Variants in SYT17 observed in about 807,000 individuals in gnomAD.
SYT17 encodes synaptotagmin 17, also known as synaptotagmin-17.
SYT17 carries 22 observed loss-of-function variants against 46.7 expected under a neutral mutation model. The observed-to-expected ratio is 0.47, with a 90% CI of 0.34 to 0.67. The LOEUF (loss-of-function observed/expected upper bound fraction) is 0.67, where lower values mean the gene tolerates loss of function less well. Among genes scored for constraint, SYT17 ranks in the 30% least tolerant of loss-of-function variants. The pLI is 0.01. For synonymous variants in SYT17, 251 were observed against 248.4 expected (o/e 1.01, Z -0.10); for missense variants, 519 against 612.8 (o/e 0.85, Z 1.62).
chr16:19,255,565 T>C (rs534207882), intron 7 of SYT17, among the ~76,000 whole-genome samples: 3 of 152,104 alleles, frequency 2.0e-5, no homozygotes, highest in East Asian at 3.9e-4. Context: ...GAGAGTAAGA[T>C]TGCTTGAAGC....
At chr16:19,204,181 CT>C (rs1032281271) in intron 5 of SYT17, among the ~76,000 whole-genome samples, 2 of 152,162 alleles carry the variant, frequency 1.3e-5, no homozygotes, top group African/African-American at 4.8e-5. Context: ...GGCAGCACCC[CT>C]GGCCCCACCC....
At chr16:19,206,756 CAT>C (rs1204378415) in intron 5 of SYT17, among the ~76,000 whole-genome samples, 4 of 152,212 alleles carry the variant, frequency 2.6e-5, no homozygotes, top group African/African-American at 9.6e-5. Flanking sequence ...TGTCTTAGTC[CAT>C]GTTTCTTCTC....
At chr16:19,259,029 A>G (rs372759985) in intron 7 of SYT17, among the ~76,000 whole-genome samples, 17 of 152,288 alleles carry the variant, frequency 1.1e-4, no homozygotes, top group Middle Eastern at 3.4e-3. Context: ...AGATATGTTG[A>G]TAACTCTACA....
Position 19,267,251 on chromosome 16 carries a change from C to A in SYT17, c.*175C>A. On this transcript the variant is annotated 3_prime_UTR_variant, in exon 8 of 8. Transcript: ENST00000355377. ...CCTCTCAGAACTGAGAGGAAGCTGA[C>A]TATTGATCACAAAATGGCCGCCCTC... 1.7e-6 allele frequency: 1 copy of A among 578,682 alleles called. No homozygotes were observed. The highest frequency in any genetic ancestry group is 2.8e-6 in the Non-Finnish European group (1 of 356,720). The allele number at this position is 578,682 out of a possible 1,614,324, so 35.8% of individuals were successfully genotyped here.
chr16:19,210,848 T>C (rs1047492724), intron 5 of SYT17, among the ~76,000 whole-genome samples: 19 of 152,212 alleles, frequency 1.2e-4, no homozygotes, highest in African/African-American at 4.6e-4. Flanking sequence ...TGAAACCCTT[T>C]GCTAGGTGAG....
At chr16:19,243,454 T>C (rs926032306) in intron 7 of SYT17, among the ~76,000 whole-genome samples, 4 of 152,170 alleles carry the variant, frequency 2.6e-5, no homozygotes, top group African/African-American at 9.7e-5. Flanking sequence ...TCCATCCTTG[T>C]GCAAGGTCAC....
At chr16:19,250,708 C>T (rs1001258953) in intron 7 of SYT17, among the ~76,000 whole-genome samples, 2 of 137,278 alleles carry the variant, frequency 1.5e-5, no homozygotes, top group Non-Finnish European at 3.2e-5. Context: ...AACCACCATG[C>T]GTGGCCCCAT....
In SYT17 at chr16:19,208,470, G is replaced by C. The variant is rs1237663947; in HGVS notation, c.952-14575G>C. Among the ~76,000 whole-genome samples the C allele has an allele frequency of 2.6e-5, 4 of 152,272 alleles. No individual in the cohort carries two copies. The South Asian group carries it at 8.3e-4, about 32-fold the overall frequency. On this transcript the variant is annotated intron_variant, in intron 5 of 7. Coordinates refer to ENST00000355377, the MANE Select transcript of SYT17 (RefSeq NM_016524.4). ...GCTTACATGGCAGCAGGAGAGTGAG[G>C]GGGGAAGTGCCACACATTTTTAAAC...
At chr16:19,218,709 C>T (rs1966186925) in intron 5 of SYT17, among the ~76,000 whole-genome samples, 1 of 152,190 alleles carries the variant, frequency 6.6e-6, no homozygotes, top group African/African-American at 2.4e-5. Context: ...CACCTCCTTC[C>T]AGTTCTGTGA....
chr16:19,197,715 C>T (rs567446449), intron 5 of SYT17, among the ~76,000 whole-genome samples: 2 of 152,254 alleles, frequency 1.3e-5, no homozygotes, highest in Admixed American at 1.3e-4. Context: ...CATGAACCAC[C>T]GTGACCTGCC....
intron 7 of SYT17, among the ~76,000 whole-genome samples, chr16:19,259,528 C>T (rs1968814374): frequency 1.3e-5 from 2 of 152,202 alleles, no homozygotes; most frequent in Non-Finnish European, 2.9e-5. Context: ...CTGGTACTCA[C>T]AATCCACTAT....
At chr16:19,243,819 C>CAAAAAA (rs760219447) in intron 7 of SYT17, among the ~76,000 whole-genome samples, 1 of 56,920 alleles carries the variant, frequency 1.8e-5, no homozygotes, top group African/African-American at 6.8e-5. Flanking sequence ...AAAACTCCAT[C>CAAAAAA]AAAAAAAAAA....
chr16:19,249,386 G>T (rs1470890764), intron 7 of SYT17, among the ~76,000 whole-genome samples: 1 of 152,220 alleles, frequency 6.6e-6, no homozygotes, highest in African/African-American at 2.4e-5. Flanking sequence ...CCAGGGAGGG[G>T]ATGGAGTGGA....
intron 7 of SYT17, among the ~76,000 whole-genome samples, chr16:19,253,217 G>C (rs1968314611): frequency 6.6e-6 from 1 of 152,166 alleles, no homozygotes; most frequent in Non-Finnish European, 1.5e-5. Flanking sequence ...AGAGGCCATA[G>C]GTGGCCCTCA....
chr16:19,202,047 T>G (rs1465734514), intron 5 of SYT17, among the ~76,000 whole-genome samples: 1 of 152,186 alleles, frequency 6.6e-6, no homozygotes, highest in African/African-American at 2.4e-5. Flanking sequence ...TGTGGGGTTT[T>G]TTTCCTCATA....
At chr16:19,212,266 A>T (rs1965932956) in intron 5 of SYT17, among the ~76,000 whole-genome samples, 1 of 152,138 alleles carries the variant, frequency 6.6e-6, no homozygotes, top group Non-Finnish European at 1.5e-5. Context: ...GAGGTTGACA[A>T]ACCCTGTTGT....
intron 7 of SYT17, among the ~76,000 whole-genome samples, chr16:19,244,918 A>G (rs1967423444): frequency 2.0e-5 from 3 of 152,228 alleles, no homozygotes. Context: ...TGGGAAATGT[A>G]GTCCAGCTAC....
At chr16:19,215,664 G>A (rs1444871374) in intron 5 of SYT17, among the ~76,000 whole-genome samples, 1 of 152,078 alleles carries the variant, frequency 6.6e-6, no homozygotes, top group African/African-American at 2.4e-5. Flanking sequence ...CAATCCTCCA[G>A]CCTTGGCCTC....
Position 19,252,380 on chromosome 16 carries a change from CAT to C in SYT17, c.1229-14488_1229-14487del, listed in dbSNP as rs1255011604. Among the ~76,000 whole-genome samples the C allele has an allele frequency of 6.0e-4, 10 of 16,550 alleles. 4 individuals are homozygous for C. The highest frequency in any genetic ancestry group is 1.3e-3 in the African/African-American group (2 of 1,510). 10.9% of individuals were successfully genotyped at this position (16,550 alleles called of 152,430 possible). A position where few individuals can be genotyped will look rare whatever the true frequency, so the allele number is the denominator to read the frequency against. On this transcript the variant is annotated intron_variant, in intron 7 of 7. Transcript: ENST00000355377. ...ACACATATATATATACATATATATACATATATATATATACATATATATACATA... is the reference window on the plus strand; with the variant it reads ...ACACATATATATATACATATATATACATATATATATACATATATATACATA...
Sources: gnomAD v4.1 joint callset for allele counts (sites outside exome capture counted in the v4.1 genomes callset) on GRCh38, gnomAD v4.1.1 for gene constraint, MANE v1.5 for transcripts, NCBI Gene and HGNC (gene_info 2026-07-23, HGNC 2026-07-21) for gene names.